The following SYBU variants were observed in gnomAD, a reference collection of about 807,000 sequenced individuals.
SYBU encodes the protein syntabulin, also known as GOLSYN A protein.
A neutral mutation model predicts 35.9 loss-of-function variants in SYBU; 21 were observed. The observed-to-expected ratio is 0.58, with a 90% CI of 0.41 to 0.84. SYBU has a LOEUF of 0.84. Ranked by LOEUF, SYBU falls within the 40% of genes least tolerant of loss-of-function variation. The pLI is 0.00. For synonymous variants in SYBU, 319 were observed against 324.3 expected (o/e 0.98, Z 0.18); for missense variants, 768 against 848.2 (o/e 0.91, Z 1.17).
At chr8:109,594,444 G>A (rs1363021397) in intron 3 of SYBU, among the ~76,000 whole-genome samples, 1 of 152,094 alleles carries the variant, frequency 6.6e-6, no homozygotes, top group Non-Finnish European at 1.5e-5. Context: ...CACTTACTGG[G>A]AAACAGATGA....
intron 3 of SYBU, among the ~76,000 whole-genome samples, chr8:109,591,161 G>C (rs1305767163): frequency 6.6e-6 from 1 of 152,162 alleles, no homozygotes; most frequent in Non-Finnish European, 1.5e-5. Flanking sequence ...ACATGATCCT[G>C]GGTGTGTCGA....
intron 1 of SYBU, among the ~76,000 whole-genome samples, chr8:109,662,226 C>T (rs749621187): frequency 1.1e-4 from 17 of 152,124 alleles, no homozygotes; most frequent in Non-Finnish European, 2.1e-4. Flanking sequence ...TTTTAGTTTT[C>T]TTATAAAATG....
At chr8:109,688,509 A>G (rs1817570288) in intron 1 of SYBU, among the ~76,000 whole-genome samples, 1 of 152,214 alleles carries the variant, frequency 6.6e-6, no homozygotes, top group African/African-American at 2.4e-5. Context: ...GCCAACCCCA[A>G]AGAAAAAACA....
chr8:109,615,648 T>C (rs1237178949), intron 3 of SYBU, among the ~76,000 whole-genome samples: 1 of 152,102 alleles, frequency 6.6e-6, no homozygotes, highest in East Asian at 1.9e-4. Flanking sequence ...TAAATATGAA[T>C]AAATAAAAAG....
At chr8:109,649,000 T>C (rs892747299), upstream of SYBU, 12 of 128,768 alleles carry the variant, frequency 9.3e-5, no homozygotes, top group Non-Finnish European at 1.8e-4. Flanking sequence ...TCCTTTTTTT[T>C]TTTTTTTTTT....
At chr8:109,674,544 G>A (rs889963695) in intron 1 of SYBU, among the ~76,000 whole-genome samples, 28 of 152,184 alleles carry the variant, frequency 1.8e-4, no homozygotes, top group African/African-American at 6.7e-4. Context: ...CACTAAATAT[G>A]GAAAGGAAAA....
At chr8:109,618,261 C>T (rs904943098) in intron 3 of SYBU, among the ~76,000 whole-genome samples, 4 of 152,210 alleles carry the variant, frequency 2.6e-5, no homozygotes, top group African/African-American at 9.6e-5. Flanking sequence ...TCTGATGCTG[C>T]TGGCATTTCA....
intron 5 of SYBU, among the ~76,000 whole-genome samples, chr8:109,578,618 G>A (rs190219570): frequency 7.9e-5 from 12 of 152,270 alleles, no homozygotes; most frequent in South Asian, 2.1e-4. Context: ...AATAGGGACC[G>A]TGGAGGAGGA....
intron 2 of SYBU, among the ~76,000 whole-genome samples, chr8:109,627,570 G>C (rs760512480): frequency 6.6e-6 from 1 of 152,090 alleles, no homozygotes; most frequent in African/African-American, 2.4e-5. Flanking sequence ...AAATTTCATG[G>C]GCACAGAGCT....
intron 1 of SYBU, among the ~76,000 whole-genome samples, chr8:109,690,616 C>T (rs1036537703): frequency 1.3e-5 from 2 of 152,264 alleles, no homozygotes; most frequent in East Asian, 3.9e-4. Flanking sequence ...TTCCGATTTT[C>T]CCCAGTAGCT....
chr8:109,590,770 A>G (rs577157808), intron 3 of SYBU, among the ~76,000 whole-genome samples: 3 of 151,684 alleles, frequency 2.0e-5, no homozygotes, highest in Admixed American at 6.6e-5. Flanking sequence ...AAAATTAGAA[A>G]AAAAAAAAAA....
In SYBU at chr8:109,691,319, C is replaced by T. The variant is rs1161946738; in HGVS notation, c.-58+14G>A. On this transcript the variant is annotated intron_variant, in intron 1 of 7. Coordinates refer to the SYBU transcript ENST00000422135. This position sits in a 1 kb window ranked among gnomAD's most constrained non-coding sequence, Gnocchi z 4.7. The stretch of plus-strand genomic sequence containing the variant: ...GCACTGACAGCAGAGACCGCATAGG[C>T]GCCCCGGTCTTACCCTTTCTCGCCC... The T allele has an allele frequency of 7.1e-6, 5 of 701,044 alleles. No individual in the cohort carries two copies. The highest frequency in any genetic ancestry group is 3.0e-5 in the South Asian group (2 of 67,314). The allele number at this position is 701,044 out of a possible 1,614,324, so 43.4% of individuals were successfully genotyped here. A position where few individuals can be genotyped will look rare whatever the true frequency, so the allele number is the denominator to read the frequency against.
upstream of SYBU, among the ~76,000 whole-genome samples, chr8:109,681,400 G>A (rs11781572): frequency 0.073 from 11,081 of 152,202 alleles, 546 homozygotes; most frequent in Non-Finnish European, 0.11. Context: ...ACTTATTCAT[G>A]TGTTAACATG....
chr8:109,606,022 T>TACAC (rs758828391), intron 3 of SYBU, among the ~76,000 whole-genome samples: 4 of 152,176 alleles, frequency 2.6e-5, no homozygotes, highest in African/African-American at 4.8e-5. Flanking sequence ...TATACATACA[T>TACAC]ACACATATAT....
chr8:109,639,094 A>G (rs10481055), intron 2 of SYBU, among the ~76,000 whole-genome samples: 29,936 of 152,162 alleles, frequency 0.2, 2,983 homozygotes, highest in South Asian at 0.27. Context: ...TGGACAGATC[A>G]CTTTGGAAAT....
At chr8:109,672,536 C>T (rs1265886205) in intron 1 of SYBU, among the ~76,000 whole-genome samples, 1 of 152,242 alleles carries the variant, frequency 6.6e-6, no homozygotes, top group Non-Finnish European at 1.5e-5. Flanking sequence ...TCACAACCCA[C>T]AGACCAGGAG....
chr8:109,660,560 A>G (rs1462962599), intron 1 of SYBU, among the ~76,000 whole-genome samples: 1 of 152,236 alleles, frequency 6.6e-6, no homozygotes, highest in Non-Finnish European at 1.5e-5. Context: ...AACATAGGGA[A>G]ACCTTTAATT....
intron 1 of SYBU, among the ~76,000 whole-genome samples, chr8:109,650,713 G>C (rs1158966384): frequency 3.3e-5 from 5 of 152,150 alleles, no homozygotes; most frequent in African/African-American, 4.8e-5. Flanking sequence ...AATAAAACTA[G>C]AATTTGGGAA....
chr8:109,625,649 T>C (rs7003744), intron 2 of SYBU, among the ~76,000 whole-genome samples: 2 of 152,118 alleles, frequency 1.3e-5, no homozygotes, highest in South Asian at 4.1e-4. Context: ...CTCAAACTCC[T>C]GAACTTAAGT....
Sources: gnomAD v4.1 joint callset for allele counts (sites outside exome capture counted in the v4.1 genomes callset) on GRCh38, gnomAD v4.1.1 for gene constraint, Gnocchi (gnomAD v3.1) non-coding constraint, MANE v1.5 for transcripts, NCBI Gene and HGNC (gene_info 2026-07-23, HGNC 2026-07-21) for gene names.